C2orf76: variants seen among roughly 807,000 people sequenced by gnomAD.
C2orf76 encodes UPF0538 protein C2orf76.
In C2orf76, 23 loss-of-function variants were observed where a neutral mutation model predicts 16.9. That is an observed-to-expected ratio of 1.36 (90% confidence interval 0.98 to 1.93). The LOEUF (loss-of-function observed/expected upper bound fraction) is 1.93. Among genes scored for constraint, C2orf76 ranks in the 30% most tolerant of loss-of-function variants. C2orf76 has a pLI of 0.00. For synonymous variants in C2orf76, 48 were observed against 52.3 expected, an observed-to-expected ratio of 0.92 and a Z score of 0.35; for missense variants, 152 against 152.6, an observed-to-expected ratio of 1.00 and a Z score of 0.02.
chr2:119,307,188 C>T (rs1326669563), intron 5 of C2orf76, among the ~76,000 whole-genome samples: 1 of 152,016 alleles, frequency 6.6e-6, no homozygotes, highest in Admixed American at 6.6e-5. Flanking sequence ...GCCTATAATC[C>T]CAGCACTTTG....
intron 4 of C2orf76, 63 bp downstream of exon 4, chr2:119,317,403 T>C: frequency 1.6e-6 from 2 of 1,242,924 alleles, no homozygotes; most frequent in Non-Finnish European, 1.1e-6. Flanking sequence ...CATTCACTTA[T>C]TCACAAATTC....
chr2:119,295,140 C>G, the C2orf76 span, among the ~76,000 whole-genome samples: 2 of 152,062 alleles, frequency 1.3e-5, no homozygotes, highest in African/African-American at 4.8e-5. Flanking sequence ...GAGACAGAGA[C>G]GACAAGAAAG....
At chr2:119,293,954 G>C in the C2orf76 span, among the ~76,000 whole-genome samples, 1 of 152,150 alleles carries the variant, frequency 6.6e-6, no homozygotes, top group Non-Finnish European at 1.5e-5. Flanking sequence ...ACCTCACCAG[G>C]GATGGGGAGC....
the C2orf76 span, among the ~76,000 whole-genome samples, chr2:119,281,184 C>G: frequency 0.69 from 105,375 of 152,024 alleles, 37,679 homozygotes; most frequent in African/African-American, 0.87. Flanking sequence ...GAAAACTCAT[C>G]TCATGGGGGT....
intron 3 of C2orf76, among the ~76,000 whole-genome samples, 153 bp from the exon 4 acceptor site, chr2:119,317,656 A>C (rs1432321652): frequency 6.6e-6 from 1 of 152,226 alleles, no homozygotes; most frequent in African/African-American, 2.4e-5. Flanking sequence ...CAGCAAAAGA[A>C]AAATTACTTC....
At position 119,322,632 on chromosome 2, in the gene C2orf76, T is replaced by G. The variant is rs1220284607; in HGVS notation, c.134-1428A>C. 2.0e-5 allele frequency among the ~76,000 whole-genome samples: 3 copies of G among 152,148 alleles called. No homozygotes were observed. The East Asian group carries it at 5.8e-4, about 29-fold the overall frequency. The stretch of plus-strand genomic sequence containing the variant: ...AGGAAAAGTCCAAATGTCCTTCAAT[T>G]AGGTACTCGTTAAGTAAATCATAAT... On this transcript the variant is annotated intron_variant, in intron 2 of 5. Coordinates refer to ENST00000334816, the MANE Select transcript of C2orf76 (RefSeq NM_001322331.2).
intron 1 of C2orf76, among the ~76,000 whole-genome samples, chr2:119,359,601 T>C (rs1680679433): frequency 6.6e-6 from 1 of 152,130 alleles, no homozygotes; most frequent in Non-Finnish European, 1.5e-5. Flanking sequence ...ATGGATGACT[T>C]TGAGGAGTTC....
intron 1 of C2orf76, among the ~76,000 whole-genome samples, chr2:119,347,415 G>A (rs28758930): frequency 8.7e-4 from 133 of 152,324 alleles, no homozygotes; most frequent in African/African-American, 3.0e-3. Flanking sequence ...TATAATATTA[G>A]ATGATATTAG....
At chr2:119,292,010 A>C in the C2orf76 span, among the ~76,000 whole-genome samples, 4 of 152,212 alleles carry the variant, frequency 2.6e-5, no homozygotes, top group East Asian at 7.7e-4. Context: ...GTGTTCTTCC[A>C]ACCCCGGGCT....
chr2:119,288,400 T>C, the C2orf76 span, among the ~76,000 whole-genome samples: 1 of 151,870 alleles, frequency 6.6e-6, no homozygotes, highest in Non-Finnish European at 1.5e-5. Flanking sequence ...CACCTCAGCC[T>C]CCCAAAGTGC....
At chr2:119,343,157 T>C (rs865954684) in intron 1 of C2orf76, among the ~76,000 whole-genome samples, 6 of 152,238 alleles carry the variant, frequency 3.9e-5, no homozygotes, top group African/African-American at 1.2e-4. Flanking sequence ...TTAATGAGTT[T>C]AACAAATCTT....
chr2:119,283,483 T>G, the C2orf76 span, among the ~76,000 whole-genome samples: 4 of 152,148 alleles, frequency 2.6e-5, no homozygotes, highest in African/African-American at 9.7e-5. Flanking sequence ...TTTGTTTTTG[T>G]TTTTTTCTTG....
the C2orf76 span, among the ~76,000 whole-genome samples, chr2:119,292,038 GCT>G: frequency 6.6e-6 from 1 of 152,026 alleles, no homozygotes; most frequent in South Asian, 2.1e-4. Flanking sequence ...TCCAAGCGGA[GCT>G]CTCTCTTCCC....
At chr2:119,329,880 T>A in intron 2 of C2orf76, among the ~76,000 whole-genome samples, 1 of 152,152 alleles carries the variant, frequency 6.6e-6, no homozygotes, top group South Asian at 2.1e-4. Context: ...AAAAAATATT[T>A]TATATTTATT....
intron 1 of C2orf76, among the ~76,000 whole-genome samples, chr2:119,350,668 G>C (rs1680374491): frequency 6.6e-6 from 1 of 152,198 alleles, no homozygotes; most frequent in Admixed American, 6.5e-5. Context: ...TAGCTTGGAA[G>C]CTTTGAGACC....
chr2:119,306,646 AT>A lies in C2orf76; in HGVS notation c.305-4099del, dbSNP rs542193325. 2.8e-3 allele frequency among the ~76,000 whole-genome samples: 426 copies of A among 152,316 alleles called. 4 individuals carry two copies. The highest frequency in any genetic ancestry group is 4.9e-3 in the Non-Finnish European group (336 of 68,022). On this transcript the variant is annotated intron_variant, in intron 5 of 5. Transcript: ENST00000334816. ...CTTAAAAAAAAAAGCTTACATGTAA[AT>A]TTATTACTTAGGGGAATTAGCCCAT...
the C2orf76 span, among the ~76,000 whole-genome samples, chr2:119,294,976 G>A: frequency 3.3e-5 from 5 of 152,128 alleles, no homozygotes; most frequent in Admixed American, 2.0e-4. Flanking sequence ...GAAGGTGGGG[G>A]TTGAAGAGCC....
At chr2:119,311,488 AAC>A in intron 5 of C2orf76, 132 bp downstream of exon 5, 2 of 1,439,322 alleles carry the variant, frequency 1.4e-6, no homozygotes, top group Middle Eastern at 2.5e-4. Context: ...TCCTCCTCTG[AAC>A]AGTTACCGGG....
At chr2:119,284,909 C>T in the C2orf76 span, among the ~76,000 whole-genome samples, 4 of 151,988 alleles carry the variant, frequency 2.6e-5, no homozygotes, top group Non-Finnish European at 5.9e-5. Context: ...AATTTGAACC[C>T]GTATTCTGGG....
Sources: gnomAD v4.1 joint callset for allele counts (sites outside exome capture counted in the v4.1 genomes callset) on GRCh38, gnomAD v4.1.1 for gene constraint, MANE v1.5 for transcripts, NCBI Gene and HGNC (gene_info 2026-07-23, HGNC 2026-07-21) for gene names.